GPBP1: variants seen among roughly 807,000 people sequenced by gnomAD.
The protein encoded by GPBP1 is GC-rich promoter binding protein 1.
A neutral mutation model predicts 56.5 loss-of-function variants in GPBP1; 13 were observed. The observed-to-expected ratio is 0.23, with a 90% confidence interval of 0.15 to 0.37. The LOEUF is 0.37. Ranked by LOEUF, GPBP1 falls within the 10% of genes least tolerant of loss-of-function variation. GPBP1 has a pLI of 1.00. For synonymous variants in GPBP1, 204 were observed against 188.9 expected, an observed-to-expected ratio of 1.08 and a Z score of -0.66; for missense variants, 477 against 572.3, an observed-to-expected ratio of 0.83 and a Z score of 1.70.
At chr5:57,258,633 T>C (rs960151888) in intron 10 of GPBP1, among the ~76,000 whole-genome samples, 1 of 152,132 alleles carries the variant, frequency 6.6e-6, no homozygotes, top group Admixed American at 6.5e-5. Flanking sequence ...GAAACACAGA[T>C]TGTTTTTATT....
At chr5:57,213,197 C>T (rs972419546) in intron 2 of GPBP1, among the ~76,000 whole-genome samples, 1 of 152,056 alleles carries the variant, frequency 6.6e-6, no homozygotes, top group Non-Finnish European at 1.5e-5. Flanking sequence ...GGGATTTAGG[C>T]ACCCACCACC....
chr5:57,236,163 C>A, intron 6 of GPBP1, 131 bp downstream of exon 6: 2 of 611,220 alleles, frequency 3.3e-6, no homozygotes, highest in South Asian at 2.2e-5. Flanking sequence ...ATTTGATGTG[C>A]TTAGCTACAA....
At chr5:57,209,180 G>A (rs558126759) in intron 2 of GPBP1, among the ~76,000 whole-genome samples, 9 of 152,026 alleles carry the variant, frequency 5.9e-5, no homozygotes, top group Non-Finnish European at 7.4e-5. Flanking sequence ...TCTTGGCAGC[G>A]TTCCTGAATT....
At chr5:57,176,841 G>A (rs1753807439) in intron 2 of GPBP1, among the ~76,000 whole-genome samples, 2 of 152,182 alleles carry the variant, frequency 1.3e-5, no homozygotes, top group African/African-American at 4.8e-5. Flanking sequence ...CATTCCAAAT[G>A]CAGTTTAGTG....
At chr5:57,181,797 C>T (rs1461457369) in intron 2 of GPBP1, among the ~76,000 whole-genome samples, 1 of 152,110 alleles carries the variant, frequency 6.6e-6, no homozygotes, top group Non-Finnish European at 1.5e-5. Flanking sequence ...TGGAAAGGTC[C>T]ATTACCTTCA....
At chr5:57,199,115 T>A (rs73127758) in intron 2 of GPBP1, among the ~76,000 whole-genome samples, 4,630 of 152,334 alleles carry the variant, frequency 0.03, 243 homozygotes, top group African/African-American at 0.1. Flanking sequence ...AGTTCTTTTC[T>A]GTGTTCTTTC....
chr5:57,227,962 T>C (rs568737049), intron 3 of GPBP1, among the ~76,000 whole-genome samples: 5 of 152,054 alleles, frequency 3.3e-5, no homozygotes. Flanking sequence ...TATAAAAAAA[T>C]CCCAACAGAC....
chr5:57,201,773 C>G (rs1755034311), intron 2 of GPBP1, among the ~76,000 whole-genome samples: 1 of 152,034 alleles, frequency 6.6e-6, no homozygotes, highest in African/African-American at 2.4e-5. Context: ...TGGTTACTTT[C>G]TGAAAAATGT....
chr5:57,259,652 G>T (rs749856875), intron 10 of GPBP1, among the ~76,000 whole-genome samples: 6 of 152,150 alleles, frequency 3.9e-5, no homozygotes, highest in Non-Finnish European at 8.8e-5. Flanking sequence ...GTCAGAAGGA[G>T]CCAAATCAGG....
chr5:57,263,995 C>G lies in GPBP1; in HGVS notation c.*1243C>G, dbSNP rs1038005014. 1 of 152,080 alleles carries G rather than the reference C, an allele frequency of 6.6e-6. No individual in the cohort carries two copies. Among genetic ancestry groups the G allele is most frequent in the Non-Finnish European group, 1.5e-5 (1 of 68,002 alleles). 9.4% of individuals were successfully genotyped at this position (152,080 alleles called of 1,614,324 possible). ...AAATACTTGAGGTTTTATGTCAGATCTAATCTTAAGTGTTTGTTGTTTTTT... is the reference window on the plus strand; with the variant it reads ...AAATACTTGAGGTTTTATGTCAGATGTAATCTTAAGTGTTTGTTGTTTTTT... On this transcript the variant is annotated 3_prime_UTR_variant, in exon 12 of 12. Coordinates refer to ENST00000506184, the MANE Select transcript of GPBP1 (RefSeq NM_022913.4).
rs535646689 is a variant in GPBP1 at position 57,202,508 on chromosome 5, C to T, written c.-57-11566C>T. Among the ~76,000 whole-genome samples the T allele has an allele frequency of 4.8e-4, 73 of 152,220 alleles. 1 individual carries two copies. Among genetic ancestry groups the T allele is most frequent in the Non-Finnish European group, 4.3e-4 (29 of 68,018 alleles). ...TTCACCATGTTGGCCAGGCTGGTCTCGAACTCCTGACCTGCAGTGATCAGC... is the reference window on the plus strand; with the variant it reads ...TTCACCATGTTGGCCAGGCTGGTCTTGAACTCCTGACCTGCAGTGATCAGC... On this transcript the variant is annotated intron_variant, in intron 2 of 11. Coordinates refer to ENST00000506184, the MANE Select transcript of GPBP1 (RefSeq NM_022913.4).
Position 57,230,985 on chromosome 5 carries a change from GA to G in GPBP1, c.187+18del, listed in dbSNP as rs1433363118. Reference sequence around the variant, plus strand: ...CCTAATGGAGGTAAAATTTGCTAAGGAATGATGTTTATGGCTAATTTTCTTT... The same window carrying G: ...CCTAATGGAGGTAAAATTTGCTAAGGATGATGTTTATGGCTAATTTTCTTT... On this transcript the variant is annotated intron_variant, in intron 4 of 11. Coordinates refer to ENST00000506184, the MANE Select transcript of GPBP1 (RefSeq NM_022913.4). The G allele has an allele frequency of 6.3e-7, 1 of 1,581,682 alleles. No individual in the cohort carries two copies. Among genetic ancestry groups the G allele is most frequent in the Admixed American group, 1.9e-5 (1 of 53,826 alleles).
At chr5:57,177,422 C>T (rs895024054) in intron 2 of GPBP1, among the ~76,000 whole-genome samples, 1 of 151,706 alleles carries the variant, frequency 6.6e-6, no homozygotes, top group East Asian at 1.9e-4. Context: ...TTAGTGAACA[C>T]GAGTATAACT....
intron 3 of GPBP1, among the ~76,000 whole-genome samples, chr5:57,215,031 G>A (rs1755645372): frequency 6.6e-6 from 1 of 152,136 alleles, no homozygotes; most frequent in Non-Finnish European, 1.5e-5. Flanking sequence ...TTTCAAAGTT[G>A]TCTTTTGTAG....
At chr5:57,259,190 A>G (rs756289133) in intron 10 of GPBP1, among the ~76,000 whole-genome samples, 2 of 152,234 alleles carry the variant, frequency 1.3e-5, no homozygotes, top group Non-Finnish European at 2.9e-5. Context: ...AATACATACT[A>G]ATTTGGGAGA....
chr5:57,208,077 A>G (rs1466915292), intron 2 of GPBP1, among the ~76,000 whole-genome samples: 1 of 152,062 alleles, frequency 6.6e-6, no homozygotes, highest in Non-Finnish European at 1.5e-5. Context: ...GTCCTCACCT[A>G]GATCCGTGGG....
intron 2 of GPBP1, among the ~76,000 whole-genome samples, chr5:57,177,986 T>G (rs1753869426): frequency 6.6e-6 from 1 of 152,148 alleles, no homozygotes; most frequent in African/African-American, 2.4e-5. Flanking sequence ...GTTCAGTGTT[T>G]CCCTTTGTTA....
At chr5:57,238,553 C>A (rs777076044) in intron 6 of GPBP1, among the ~76,000 whole-genome samples, 1 of 151,722 alleles carries the variant, frequency 6.6e-6, no homozygotes, top group Admixed American at 6.6e-5. Flanking sequence ...AGTGAAACTC[C>A]GTCTCAAAAA....
intron 10 of GPBP1, among the ~76,000 whole-genome samples, chr5:57,252,472 C>T (rs1741442081): frequency 6.6e-6 from 1 of 152,008 alleles, no homozygotes; most frequent in African/African-American, 2.4e-5. Flanking sequence ...CTCACTGTAA[C>T]CTCTGTCTCC....
Sources: gnomAD v4.1 joint callset for allele counts (sites outside exome capture counted in the v4.1 genomes callset) on GRCh38, gnomAD v4.1.1 for gene constraint, MANE v1.5 for transcripts, NCBI Gene and HGNC (gene_info 2026-07-23, HGNC 2026-07-21) for gene names.